PPP4R3A: variants seen among roughly 807,000 people sequenced by gnomAD.
PPP4R3A encodes serine/threonine-protein phosphatase 4 regulatory subunit 3A.
A neutral mutation model predicts 91.7 loss-of-function variants in PPP4R3A; 15 were observed. The observed-to-expected ratio is 0.16, with a 90% CI of 0.11 to 0.25. The LOEUF (loss-of-function observed/expected upper bound fraction) is 0.25. Among genes scored for constraint, PPP4R3A ranks in the 10% least tolerant of loss-of-function variants. The pLI is 1.00. For missense variants in PPP4R3A, 623 were observed against 998.4 expected (o/e 0.62, Z 5.07); for synonymous variants, 377 against 348.7 (o/e 1.08, Z -0.91).
chr14:91,505,444 T>TAAAAA lies in PPP4R3A; in HGVS notation c.142+4057_142+4061dup, dbSNP rs1555353059. On this transcript the variant is annotated intron_variant, in intron 1 of 14. Transcript: ENST00000554943. ...CAGCCAGGATGACAGAGATTCTGCC[T>TAAAAA]AAAAAAAAAAAAAAAACACACACCA... is the stretch of plus-strand genomic sequence containing the variant. Among the ~76,000 whole-genome samples, 8 of 39,740 alleles carry TAAAAA rather than the reference T, an allele frequency of 2.0e-4. No homozygotes were observed. The East Asian group carries it at 4.8e-3, about 24-fold the overall frequency. 26.1% of individuals were successfully genotyped at this position (39,740 alleles called of 152,430 possible).
At chr14:91,504,670 C>A (rs1891177011) in intron 1 of PPP4R3A, among the ~76,000 whole-genome samples, 1 of 152,012 alleles carries the variant, frequency 6.6e-6, no homozygotes, top group South Asian at 2.1e-4. Flanking sequence ...CAGCAGAAAC[C>A]TACTGGATAA....
At chr14:91,492,367 G>A (rs918302447) in intron 1 of PPP4R3A, among the ~76,000 whole-genome samples, 1 of 152,222 alleles carries the variant, frequency 6.6e-6, no homozygotes, top group African/African-American at 2.4e-5. Context: ...ATGGCTAAGA[G>A]TGCTCTTAAC....
Position 91,461,904 on chromosome 14 carries a change from A to C in PPP4R3A, c.2164+145T>G, listed in dbSNP as rs901756044. On this transcript the variant is annotated intron_variant, in intron 13 of 14. Coordinates refer to ENST00000554943, the MANE Select transcript of PPP4R3A (RefSeq NM_001366432.2). ...AAGTTTATGCCTACACAACACTGCTATTCAGTCACATCCCATAAAGCAATA... is the reference window on the plus strand; with the variant it reads ...AAGTTTATGCCTACACAACACTGCTCTTCAGTCACATCCCATAAAGCAATA... The C allele has an allele frequency of 1.3e-5, 17 of 1,300,616 alleles. No individual in the cohort carries two copies. The Admixed American group carries it at 5.3e-4, about 41-fold the overall frequency. 80.6% of individuals were successfully genotyped at this position (1,300,616 alleles called of 1,614,324 possible). A position where few individuals can be genotyped will look rare whatever the true frequency, so the allele number is the denominator to read the frequency against.
In PPP4R3A at chr14:91,458,884, G is replaced by T. The variant is rs558905562; in HGVS notation, c.2392-15C>A. 6.3e-7 allele frequency: 1 copy of T among 1,584,248 alleles called. No individual in the cohort carries two copies. Among genetic ancestry groups the T allele is most frequent in the Admixed American group, 1.8e-5 (1 of 54,222 alleles). On this transcript the variant is annotated splice_polypyrimidine_tract_variant and intron_variant, in intron 14 of 14. Transcript: ENST00000554943. Reference sequence around the variant, plus strand: ...ACGAGGCCTCCCTGTTAAGAAATAAGGATTATTTAAAGAACAGAAAATAAA... The same window carrying T: ...ACGAGGCCTCCCTGTTAAGAAATAATGATTATTTAAAGAACAGAAAATAAA...
Position 91,475,710 on chromosome 14 carries a change from A to G in PPP4R3A, c.1266+101T>C, listed in dbSNP as rs528837502. 6 of 1,205,944 alleles carry G rather than the reference A, an allele frequency of 5.0e-6. No homozygotes were observed. The East Asian group carries it at 1.1e-4, about 21-fold the overall frequency. 74.7% of individuals were successfully genotyped at this position (1,205,944 alleles called of 1,614,324 possible). A position where few individuals can be genotyped will look rare whatever the true frequency, so the allele number is the denominator to read the frequency against. On this transcript the variant is annotated intron_variant, in intron 7 of 14. Transcript: ENST00000554943. The stretch of plus-strand genomic sequence containing the variant: ...ATAAGCTGTCTGATATTATGGCTAC[A>G]CTTTTCCCAAACAGCAACAATTAAA...
intron 4 of PPP4R3A, among the ~76,000 whole-genome samples, chr14:91,478,972 G>A (rs956003989): frequency 1.1e-4 from 16 of 152,182 alleles, no homozygotes; most frequent in East Asian, 3.9e-4. Context: ...TATCTGCAGC[G>A]GTGCGACCTT....
chr14:91,458,428 TTC>T lies in PPP4R3A; in HGVS notation c.*329_*330del. 7 of 369,640 alleles carry T rather than the reference TTC, an allele frequency of 1.9e-5. No individual in the cohort carries two copies. The highest frequency in any genetic ancestry group is 3.6e-5 in the Non-Finnish European group (7 of 194,416). The allele number at this position is 369,640 out of a possible 1,614,324, so 22.9% of individuals were successfully genotyped here. A position where few individuals can be genotyped will look rare whatever the true frequency, so the allele number is the denominator to read the frequency against. ...CTCAAACATGGTCCAAGAAAGCATA[TTC>T]TGATTGTAGCAACTGACCAGTCAAT... On this transcript the variant is annotated 3_prime_UTR_variant, in exon 15 of 15. Coordinates refer to ENST00000554943, the MANE Select transcript of PPP4R3A (RefSeq NM_001366432.2).
chr14:91,461,911 C>T, intron 13 of PPP4R3A, 138 bp downstream of exon 13: 1 of 1,335,178 alleles, frequency 7.5e-7, no homozygotes. Flanking sequence ...GCTATTCAGT[C>T]ACATCCCATA....
rs1024851657 is a variant in PPP4R3A, at chr14:91,509,756, C to T, written c.-109G>A. 4 of 1,318,786 alleles carry T rather than the reference C, an allele frequency of 3.0e-6. No homozygotes were observed. Among genetic ancestry groups the T allele is most frequent in the African/African-American group, 1.6e-5 (1 of 64,104 alleles). The allele number at this position is 1,318,786 out of a possible 1,614,324, so 81.7% of individuals were successfully genotyped here. A position where few individuals can be genotyped will look rare whatever the true frequency, so the allele number is the denominator to read the frequency against. Reference sequence around the variant, plus strand: ...GGGCGCCCGCGAGCGGAGGGCTCCCCGGCCTCACTGCCGCCGCTGGGCGCC... The same window carrying T: ...GGGCGCCCGCGAGCGGAGGGCTCCCTGGCCTCACTGCCGCCGCTGGGCGCC... On this transcript the variant is annotated 5_prime_UTR_variant, in exon 1 of 15. Transcript: ENST00000554943.
chr14:91,505,660 AG>A (rs2140170302), intron 1 of PPP4R3A, among the ~76,000 whole-genome samples: 1 of 152,318 alleles, frequency 6.6e-6, no homozygotes, highest in East Asian at 1.9e-4. Context: ...GAAAATCAAA[AG>A]TTTTTTTGGG....
intron 6 of PPP4R3A, 41 bp from the exon 7 acceptor site, chr14:91,476,007 A>T (rs1176911922): frequency 6.7e-7 from 1 of 1,496,862 alleles, no homozygotes; most frequent in African/African-American, 1.4e-5. Flanking sequence ...ATTTATAAAA[A>T]TACGGAACCT....
chr14:91,470,793 C>G lies in PPP4R3A; in HGVS notation c.1660+44G>C, dbSNP rs747798196. The G allele has an allele frequency of 2.0e-5, 32 of 1,581,174 alleles. No homozygotes were observed. The East Asian group carries it at 3.2e-4, about 16-fold the overall frequency. On this transcript the variant is annotated intron_variant, in intron 10 of 14. Coordinates refer to ENST00000554943, the MANE Select transcript of PPP4R3A (RefSeq NM_001366432.2). ...TTGGGCAATAAGATGTAAAAAATAC[C>G]AACATGTCAATATACAAAGATGATA...
intron 1 of PPP4R3A, among the ~76,000 whole-genome samples, chr14:91,500,934 A>C (rs1361024132): frequency 2.6e-5 from 4 of 152,186 alleles, no homozygotes; most frequent in African/African-American, 9.7e-5. Context: ...TGGGAAGCTG[A>C]GGCAGGACGA....
chr14:91,465,128 T>C (rs1888396808), intron 11 of PPP4R3A, 122 bp downstream of exon 11: 2 of 727,676 alleles, frequency 2.7e-6, no homozygotes, highest in Non-Finnish European at 3.9e-6. Context: ...AGGCTTTTAG[T>C]ACTTTTTTTT....
chr14:91,475,990 T>C (rs754866769), intron 6 of PPP4R3A, 24 bp from the exon 7 acceptor site: 19 of 1,515,436 alleles, frequency 1.3e-5, no homozygotes, highest in Non-Finnish European at 1.4e-5. Flanking sequence ...ACATTTATTT[T>C]TCCTGTATTT....
intron 1 of PPP4R3A, among the ~76,000 whole-genome samples, chr14:91,497,524 G>A (rs1890656865): frequency 6.6e-6 from 1 of 152,132 alleles, no homozygotes; most frequent in South Asian, 2.1e-4. Flanking sequence ...AATCAAGAGA[G>A]TGCTCAAGCT....
At chr14:91,460,615 A>AT (rs1198147718) in intron 14 of PPP4R3A, among the ~76,000 whole-genome samples, 1 of 123,816 alleles carries the variant, frequency 8.1e-6, no homozygotes, top group South Asian at 2.7e-4. Flanking sequence ...TGTTTTCTAC[A>AT]TTTTTTCTTA....
At chr14:91,497,725 C>A (rs1890669464) in intron 1 of PPP4R3A, among the ~76,000 whole-genome samples, 1 of 152,180 alleles carries the variant, frequency 6.6e-6, no homozygotes, top group East Asian at 1.9e-4. Context: ...ACACATACTA[C>A]TCTTTGGGCC....
chr14:91,499,698 G>A (rs1173609066), intron 1 of PPP4R3A, among the ~76,000 whole-genome samples: 3 of 151,768 alleles, frequency 2.0e-5, no homozygotes. Flanking sequence ...GTGCGTGCCT[G>A]TAAATCCAGC....
Sources: gnomAD v4.1 joint callset for allele counts (sites outside exome capture counted in the v4.1 genomes callset) on GRCh38, gnomAD v4.1.1 for gene constraint, MANE v1.5 for transcripts, NCBI Gene and HGNC (gene_info 2026-07-23, HGNC 2026-07-21) for gene names.